SNRK: variants seen among roughly 807,000 people sequenced by gnomAD.
SNRK encodes the protein SNF-related serine/threonine-protein kinase.
Under a neutral mutation model 48.2 loss-of-function variants are expected in SNRK, and 3 were observed. The ratio of observed to expected loss-of-function variants is 0.06; its 90% CI spans 0.03 to 0.16. SNRK has a LOEUF of 0.16. SNRK is among the 10% of genes least tolerant of loss of function. SNRK has a pLI of 1.00. For synonymous variants in SNRK, 376 were observed against 366.1 expected (o/e 1.03, Z -0.31); for missense variants, 627 against 976.0 (o/e 0.64, Z 4.76).
intron 6 of SNRK, 63 bp downstream of exon 6, chr3:43,343,541 T>C (rs1198241050): frequency 1.3e-6 from 2 of 1,568,198 alleles, no homozygotes; most frequent in African/African-American, 2.8e-5. Context: ...AACTTTTTTT[T>C]TTTTTTTTAA....
rs1163323214 is a variant in SNRK, at chr3:43,286,557, T to C, written c.-287T>C. ...GCAGGCGCAGCTACCCGGCACCCCC[T>C]CCCCGCGGCCGGCAGCCCGCTCGGT... On this transcript the variant is annotated 5_prime_UTR_variant, in exon 1 of 7. Coordinates refer to ENST00000296088, the MANE Select transcript of SNRK (RefSeq NM_017719.5). 2 of 150,438 alleles carry C rather than the reference T, an allele frequency of 1.3e-5. No individual in the cohort carries two copies. Among genetic ancestry groups the C allele is most frequent in the Non-Finnish European group, 3.0e-5 (2 of 67,514 alleles). 9.3% of individuals were successfully genotyped at this position (150,438 alleles called of 1,614,324 possible).
At chr3:43,318,069 C>A (rs1426926444) in intron 3 of SNRK, among the ~76,000 whole-genome samples, 2 of 152,178 alleles carry the variant, frequency 1.3e-5, no homozygotes, top group Non-Finnish European at 2.9e-5. Flanking sequence ...CAGAGGGACA[C>A]TTAACATTAG....
At chr3:43,302,057 A>T (rs2090901651) in intron 2 of SNRK, among the ~76,000 whole-genome samples, 1 of 152,208 alleles carries the variant, frequency 6.6e-6, no homozygotes, top group South Asian at 2.1e-4. Context: ...GACTTAAATC[A>T]TCTGTAAGAA....
chr3:43,291,166 G>A (rs906650084), intron 1 of SNRK, among the ~76,000 whole-genome samples: 3 of 152,114 alleles, frequency 2.0e-5, no homozygotes, highest in East Asian at 3.9e-4. Flanking sequence ...TGTCCCCTGC[G>A]CTCTGCATAT....
intron 3 of SNRK, among the ~76,000 whole-genome samples, chr3:43,331,741 G>A (rs55915337): frequency 0.027 from 4,104 of 152,192 alleles, 191 homozygotes; most frequent in African/African-American, 0.091. Context: ...CCTCACTAGC[G>A]TTGAGGTAAA....
intron 4 of SNRK, chr3:43,333,511 C>A (rs1164879575): frequency 6.6e-6 from 1 of 151,820 alleles, no homozygotes; most frequent in Non-Finnish European, 1.5e-5. Context: ...GTGTAAAGCT[C>A]TTAGCTCGGT....
intron 4 of SNRK, among the ~76,000 whole-genome samples, chr3:43,338,163 T>G (rs1325743212): frequency 6.6e-6 from 1 of 152,256 alleles, no homozygotes; most frequent in Non-Finnish European, 1.5e-5. Flanking sequence ...TCTACACAGT[T>G]AAAAATTTCA....
intron 1 of SNRK, among the ~76,000 whole-genome samples, chr3:43,295,699 C>T (rs933857818): frequency 6.6e-6 from 1 of 152,108 alleles, no homozygotes; most frequent in Admixed American, 6.5e-5. Context: ...TTAATAACTC[C>T]TAGGAGGAGG....
At chr3:43,327,916 T>G (rs1238742596) in intron 3 of SNRK, among the ~76,000 whole-genome samples, 2 of 151,888 alleles carry the variant, frequency 1.3e-5, no homozygotes, top group African/African-American at 2.4e-5. Context: ...TATGAAAAAC[T>G]TCATTATCTC....
Position 43,303,152 on chromosome 3 carries a change from T to C in SNRK, c.-52T>C, listed in dbSNP as rs1215107582. On this transcript the variant is annotated 5_prime_UTR_variant, in exon 3 of 7. It removes an upstream start codon present in the reference 5' UTR. Transcript: ENST00000296088. The surrounding 1 kb of genome is among the most constrained non-coding windows in gnomAD (Gnocchi z 6.2). ...TTTGTATTCACCAGATATTCTTATA[T>C]GAGAAGATCTATTTTAAACAGTCTA... The C allele has an allele frequency of 7.5e-7, 1 of 1,326,308 alleles. No homozygotes were observed. Among genetic ancestry groups the C allele is most frequent in the South Asian group, 1.4e-5 (1 of 71,592 alleles). 82.2% of individuals were successfully genotyped at this position (1,326,308 alleles called of 1,614,324 possible). A position where few individuals can be genotyped will look rare whatever the true frequency, so the allele number is the denominator to read the frequency against.
chr3:43,348,116 A>G lies in SNRK; in HGVS notation c.1857A>G (p.Thr619=), dbSNP rs751434514. 1.7e-5 allele frequency: 27 copies of G among 1,587,218 alleles called. No individual in the cohort carries two copies. Among genetic ancestry groups the G allele is most frequent in the African/African-American group, 2.7e-5 (2 of 74,278 alleles). The change falls in exon 7 of 7, where the codon ACA becomes ACG. Residue 619 remains threonine, a synonymous_variant. Transcript: ENST00000296088. ...GCTCGGGTGGCAACCCCACCAATAC[A>G]TCGGGTACCACACGCCGCTGTGCCG... ...SSGSGGNPTN[T]SGTTRRCAGP...
Position 43,347,390 on chromosome 3 carries a change from C to T in SNRK, c.1131C>T (p.Leu377=). The change falls in exon 7 of 7, where the codon CTC becomes CTT. Residue 377 remains leucine, a synonymous_variant. Coordinates refer to ENST00000296088, the MANE Select transcript of SNRK (RefSeq NM_017719.5). This position sits in a 1 kb window ranked among gnomAD's most constrained non-coding sequence, Gnocchi z 5.4. ...IDVPQDLEDD[L]TATPLSHATV... is the part of the protein sequence containing the mutation. ...TACCCCAGGACCTTGAGGATGACCT[C>T]ACGGCCACTCCTTTGTCCCACGCGA... 1.2e-6 allele frequency: 2 copies of T among 1,610,006 alleles called. No individual in the cohort carries two copies. The highest frequency in any genetic ancestry group is 1.1e-5 in the South Asian group (1 of 90,426).
Position 43,336,468 on chromosome 3 carries a change from AC to A in SNRK, c.732-3818del, listed in dbSNP as rs2091189477. Among the ~76,000 whole-genome samples the A allele has an allele frequency of 2.0e-5, 3 of 152,046 alleles. No homozygotes were observed. In the South Asian group the frequency reaches 6.2e-4, roughly 31 times the overall value. On this transcript the variant is annotated intron_variant, in intron 4 of 6. Coordinates refer to ENST00000296088, the MANE Select transcript of SNRK (RefSeq NM_017719.5). Reference sequence around the variant, plus strand: ...TGCCTCAGTCTCCTGAGTAGCTAGGACTACAGGTGTGTGCCACCATGCCTGG... The same window carrying A: ...TGCCTCAGTCTCCTGAGTAGCTAGGATACAGGTGTGTGCCACCATGCCTGG...
intron 3 of SNRK, among the ~76,000 whole-genome samples, chr3:43,325,613 CAAATA>C (rs1559466403): frequency 6.6e-6 from 1 of 152,150 alleles, no homozygotes; most frequent in African/African-American, 2.4e-5. Flanking sequence ...ACTGACTAGA[CAAATA>C]GAATTGGACA....
chr3:43,316,166 TG>T (rs2091011977), intron 3 of SNRK, among the ~76,000 whole-genome samples: 1 of 152,256 alleles, frequency 6.6e-6, no homozygotes, highest in Admixed American at 6.5e-5. Flanking sequence ...ATCATTTATA[TG>T]TTTTTTATTT....
chr3:43,343,902 A>C (rs975034502), intron 6 of SNRK, among the ~76,000 whole-genome samples: 1 of 152,202 alleles, frequency 6.6e-6, no homozygotes, highest in African/African-American at 2.4e-5. Flanking sequence ...GAGTATTGCT[A>C]TGCCACAGTG....
chr3:43,292,719 C>CGA (rs2090822295), intron 1 of SNRK, among the ~76,000 whole-genome samples: 1 of 152,224 alleles, frequency 6.6e-6, no homozygotes, highest in Non-Finnish European at 1.5e-5. Flanking sequence ...TCCTCTACTC[C>CGA]TGTTGAAGGA....
chr3:43,328,596 G>A (rs1263355562), intron 3 of SNRK, among the ~76,000 whole-genome samples: 1 of 152,110 alleles, frequency 6.6e-6, no homozygotes, highest in African/African-American at 2.4e-5. Context: ...GAGGAATATG[G>A]TGGATAATTT....
chr3:43,291,010 T>G (rs1467112385), intron 1 of SNRK, among the ~76,000 whole-genome samples: 3 of 152,112 alleles, frequency 2.0e-5, no homozygotes, highest in South Asian at 2.1e-4. Flanking sequence ...TGAGTGAGTA[T>G]AGGGAGCTGT....
Sources: allele counts gnomAD v4.1 joint callset (sites outside exome capture counted in the v4.1 genomes callset), GRCh38; gene constraint gnomAD v4.1.1; non-coding constraint Gnocchi (gnomAD v3.1); transcripts MANE v1.5; gene names NCBI Gene and HGNC (gene_info 2026-07-23, HGNC 2026-07-21).